SLMAP: variants seen among roughly 807,000 people sequenced by gnomAD.
The protein encoded by SLMAP is sarcolemma associated protein.
Under a neutral mutation model 128.8 loss-of-function variants are expected in SLMAP, and 44 were observed. That is an observed-to-expected ratio of 0.34 (90% confidence interval 0.27 to 0.44). The LOEUF (loss-of-function observed/expected upper bound fraction) is 0.44. SLMAP is among the 20% of genes least tolerant of loss of function. The probability of loss-of-function intolerance (pLI) is 1.00; values close to 1 mark genes in which losing one functional copy is unlikely to be tolerated. For synonymous variants in SLMAP, 327 were observed against 348.8 expected (o/e 0.94, Z 0.70); for missense variants, 787 against 985.3 (o/e 0.80, Z 2.69).
chr3:57,770,020 G>A (rs1235688682), intron 2 of SLMAP, among the ~76,000 whole-genome samples: 2 of 152,114 alleles, frequency 1.3e-5, no homozygotes, highest in African/African-American at 4.8e-5. Flanking sequence ...ATGTATGCAG[G>A]CACATACATA....
In SLMAP at chr3:57,871,617, G is replaced by GTGTT; in HGVS notation, c.1238-17_1238-14dup. ...ACAGCAACAAACTATATCCTTAAAG[G>GTGTT]TGTTTCTTTCTTTATTAGAGCACTT... is the stretch of plus-strand genomic sequence containing the variant. On this transcript the variant is annotated intron_variant, in intron 13 of 24. Transcript: ENST00000671191. 1 of 1,600,546 alleles carries GTGTT rather than the reference G, an allele frequency of 6.2e-7. No individual in the cohort carries two copies. The highest frequency in any genetic ancestry group is 8.6e-7 in the Non-Finnish European group (1 of 1,168,438).
At chr3:57,867,895 A>C (rs2095349500) in intron 13 of SLMAP, among the ~76,000 whole-genome samples, 1 of 152,180 alleles carries the variant, frequency 6.6e-6, no homozygotes, top group African/African-American at 2.4e-5. Flanking sequence ...TTTGTACTGT[A>C]AATTTTTTGT....
At chr3:57,767,768 T>C (rs934101647) in intron 2 of SLMAP, among the ~76,000 whole-genome samples, 12 of 152,112 alleles carry the variant, frequency 7.9e-5, no homozygotes, top group African/African-American at 2.9e-4. Flanking sequence ...GGAGTTTTTT[T>C]CCCCCCAAAA....
intron 6 of SLMAP, among the ~76,000 whole-genome samples, chr3:57,855,596 G>T (rs116821198): frequency 0.013 from 1,897 of 150,864 alleles, 28 homozygotes; most frequent in African/African-American, 0.044. Flanking sequence ...AAGTTTTTGG[G>T]GCAGGCATGG....
chr3:57,868,800 A>C (rs1223010589), intron 13 of SLMAP, among the ~76,000 whole-genome samples: 1 of 21,736 alleles, frequency 4.6e-5, no homozygotes, highest in Non-Finnish European at 8.8e-5. Context: ...AATGGAATAT[A>C]TATATATATA....
chr3:57,796,542 A>G (rs951381520), intron 2 of SLMAP, among the ~76,000 whole-genome samples: 2 of 152,220 alleles, frequency 1.3e-5, no homozygotes, highest in African/African-American at 4.8e-5. Context: ...GCTATAAAGC[A>G]CTTAGAATAT....
Position 57,922,963 on chromosome 3 carries a change from C to T in SLMAP, c.2385C>T (p.Ile795=), listed in dbSNP as rs981783409. The change falls in exon 23 of 25, where the codon ATC becomes ATT. Residue 795 remains isoleucine (I), a synonymous_variant. Coordinates refer to ENST00000671191, the MANE Select transcript of SLMAP (RefSeq NM_001377540.1). ...TGACTGAGCAGGAAAAGCAGTCAAT[C>T]ACAGATGAGCTCAAACAGTGTAAAA... ...FEMTEQEKQS[I]TDELKQCKNN... is the part of the protein sequence containing the mutation. 16 of 1,613,598 alleles carry T rather than the reference C, an allele frequency of 9.9e-6. No homozygotes were observed. The highest frequency in any genetic ancestry group is 2.7e-5 in the African/African-American group (2 of 74,884).
intron 3 of SLMAP, among the ~76,000 whole-genome samples, chr3:57,833,429 T>TG (rs11394839): frequency 1.4e-5 from 1 of 69,614 alleles, no homozygotes; most frequent in Admixed American, 1.6e-4. Context: ...GTAACATTAG[T>TG]TTTTTTTTTT....
chr3:57,852,848 A>G (rs1367709977), intron 6 of SLMAP, among the ~76,000 whole-genome samples: 1 of 152,194 alleles, frequency 6.6e-6, no homozygotes, highest in Admixed American at 6.5e-5. Flanking sequence ...CTAGTGTCCT[A>G]ATCCTCTGCT....
chr3:57,866,852 C>T (rs886866358), intron 13 of SLMAP, among the ~76,000 whole-genome samples: 3 of 150,790 alleles, frequency 2.0e-5, no homozygotes, highest in Middle Eastern at 3.4e-3. Flanking sequence ...CCACTGCAGG[C>T]GATGGGAGTG....
At chr3:57,888,873 C>CT (rs1260453995) in intron 14 of SLMAP, among the ~76,000 whole-genome samples, 2 of 151,768 alleles carry the variant, frequency 1.3e-5, no homozygotes, top group Non-Finnish European at 2.9e-5. Context: ...TAATCAAAAT[C>CT]TGTTACTTTC....
intron 6 of SLMAP, among the ~76,000 whole-genome samples, chr3:57,850,420 G>T (rs1382491772): frequency 1.3e-5 from 2 of 152,018 alleles, no homozygotes; most frequent in African/African-American, 4.8e-5. Context: ...TTAAAAATCT[G>T]TTTTCAAATT....
At chr3:57,850,709 C>T (rs1221443155) in intron 6 of SLMAP, among the ~76,000 whole-genome samples, 2 of 152,218 alleles carry the variant, frequency 1.3e-5, no homozygotes, top group Non-Finnish European at 1.5e-5. Flanking sequence ...TCTCAGCTCA[C>T]TACAACCTCT....
rs144882725 is a variant in SLMAP at position 57,795,393 on chromosome 3, A to C, written c.199-35990A>C. Among the ~76,000 whole-genome samples, 87 of 151,960 alleles carry C rather than the reference A, an allele frequency of 5.7e-4. 2 individuals carry two copies. In the East Asian group the frequency reaches 0.014, roughly 25 times the overall value. ...TCTCTACTAAAAATACAAAAGATTA[A>C]CTGGGCATGGTGGCGCACACCTGTA... On this transcript the variant is annotated intron_variant, in intron 2 of 24. Coordinates refer to ENST00000671191, the MANE Select transcript of SLMAP (RefSeq NM_001377540.1).
intron 14 of SLMAP, among the ~76,000 whole-genome samples, chr3:57,872,947 T>TA (rs1225170445): frequency 5.3e-4 from 80 of 152,304 alleles, no homozygotes; most frequent in Non-Finnish European, 8.8e-5. Context: ...TATTCATGCA[T>TA]ATGTGCCCCC....
chr3:57,909,177 G>A, intron 19 of SLMAP, 27 bp downstream of exon 19: 3 of 1,503,424 alleles, frequency 2.0e-6, no homozygotes, highest in Non-Finnish European at 2.7e-6. Flanking sequence ...GGCTCTTTGA[G>A]ATTGTTATTG....
intron 14 of SLMAP, among the ~76,000 whole-genome samples, chr3:57,882,728 C>G (rs1313214219): frequency 1.3e-5 from 2 of 152,080 alleles, no homozygotes; most frequent in African/African-American, 4.8e-5. Context: ...TGGGATAGAT[C>G]TCAAGGGACC....
At chr3:57,825,404 G>A (rs1022561051) in intron 2 of SLMAP, among the ~76,000 whole-genome samples, 1 of 150,588 alleles carries the variant, frequency 6.6e-6, no homozygotes, top group African/African-American at 2.4e-5. Flanking sequence ...TGTTGAGGAA[G>A]TTCCCTTCTA....
At chr3:57,791,824 AATAG>A (rs1184832897) in intron 2 of SLMAP, among the ~76,000 whole-genome samples, 33 of 152,260 alleles carry the variant, frequency 2.2e-4, no homozygotes, top group African/African-American at 7.7e-4. Flanking sequence ...CATTAATTTT[AATAG>A]ATCTGTTTAT....
Sources: gnomAD v4.1 joint callset for allele counts (sites outside exome capture counted in the v4.1 genomes callset) on GRCh38, gnomAD v4.1.1 for gene constraint, MANE v1.5 for transcripts, NCBI Gene and HGNC (gene_info 2026-07-23, HGNC 2026-07-21) for gene names.